Variants in CEP126 observed in about 807,000 individuals in gnomAD.
The protein encoded by CEP126 is centrosomal protein of 126 kDa.
A neutral mutation model predicts 107.8 loss-of-function variants in CEP126; 74 were observed. That is an observed-to-expected ratio of 0.69 (90% CI 0.57 to 0.83). The LOEUF (loss-of-function observed/expected upper bound fraction) is 0.83, where lower values mean the gene tolerates loss of function less well. CEP126 is among the 40% of genes least tolerant of loss of function. The pLI is 0.00. For missense variants in CEP126, 1,237 were observed against 1,281.9 expected (o/e 0.96, Z 0.53); for synonymous variants, 449 against 446.0 (o/e 1.01, Z -0.08).
At chr11:101,997,032 A>ATTTT (rs940783775) in intron 10 of CEP126, among the ~76,000 whole-genome samples, 3 of 152,242 alleles carry the variant, frequency 2.0e-5, no homozygotes, top group African/African-American at 7.2e-5. Flanking sequence ...TGAACCCTGA[A>ATTTT]TTTTTATTTA....
In CEP126 at chr11:101,922,739, T is replaced by C; in HGVS notation, c.227T>C (p.Val76Ala). The change falls in exon 2 of 11, where the codon GTG (valine) becomes GCG (alanine). Residue 76 changes from valine (V) to alanine (A), a missense_variant. Coordinates refer to ENST00000263468, the MANE Select transcript of CEP126 (RefSeq NM_020802.4). ...ICRNRARKYF[V>A]ESNRRKKAFE... ...CGAAATCGAGCACGTAAATATTTTG[T>C]GGAGTCAAATCGGAGAAAAAAGTAA... 1 of 1,612,492 alleles carries C rather than the reference T, an allele frequency of 6.2e-7. No individual in the cohort carries two copies. The highest frequency in any genetic ancestry group is 1.1e-5 in the South Asian group (1 of 91,046).
At position 101,997,571 on chromosome 11, in the gene CEP126, A is replaced by C. The variant is rs1163615382; in HGVS notation, c.3310-28A>C. The stretch of plus-strand genomic sequence containing the variant: ...CTGCAGTGTTTTGGCATGTGTTTGC[A>C]TGCTTGTTTCTTCTTTCTGATTTCC... On this transcript the variant is annotated intron_variant, in intron 10 of 10. Coordinates refer to ENST00000263468, the MANE Select transcript of CEP126 (RefSeq NM_020802.4). The C allele has an allele frequency of 1.9e-6, 3 of 1,613,862 alleles. No individual in the cohort carries two copies. In the African/African-American group the frequency reaches 4.0e-5, roughly 22 times the overall value.
At position 101,940,065 on chromosome 11, in the gene CEP126, A is replaced by G. The variant is rs1940643112; in HGVS notation, c.249-4200A>G. On this transcript the variant is annotated intron_variant, in intron 2 of 10. Transcript: ENST00000263468. ...TTACCAGTGAAGTAGATAGTGCTCT[A>G]AAAGAAAAATACAATAGTACAAAAA... Among the ~76,000 whole-genome samples, 2 of 152,218 alleles carry G rather than the reference A, an allele frequency of 1.3e-5. 1 individual carries two copies. Among genetic ancestry groups the G allele is most frequent in the South Asian group, 4.1e-4 (2 of 4,834 alleles).
chr11:101,997,557 T>C (rs778291383), intron 10 of CEP126, 42 bp from the exon 11 acceptor site: 19 of 1,613,890 alleles, frequency 1.2e-5, no homozygotes, highest in Middle Eastern at 1.7e-4. Flanking sequence ...TGCAGTGTTT[T>C]GGCATGTGTT....
intron 4 of CEP126, 120 bp downstream of exon 4, chr11:101,948,262 A>G (rs1008030215): frequency 4.0e-6 from 2 of 499,106 alleles, no homozygotes; most frequent in South Asian, 4.5e-5. Context: ...TTATTCTTTT[A>G]TTTTTACAGA....
intron 6 of CEP126, among the ~76,000 whole-genome samples, chr11:101,966,409 A>C (rs1941057722): frequency 6.6e-6 from 1 of 152,098 alleles, no homozygotes; most frequent in African/African-American, 2.4e-5. Context: ...ACCCTTATGC[A>C]TCCAGAGTTG....
At chr11:101,977,526 G>C (rs1392010421) in intron 6 of CEP126, among the ~76,000 whole-genome samples, 2 of 150,494 alleles carry the variant, frequency 1.3e-5, no homozygotes, top group African/African-American at 2.4e-5. Flanking sequence ...AGCTACTCAG[G>C]AGGCTGAGGC....
chr11:101,976,026 G>C (rs956880993), intron 6 of CEP126, among the ~76,000 whole-genome samples: 1 of 152,128 alleles, frequency 6.6e-6, no homozygotes, highest in Non-Finnish European at 1.5e-5. Context: ...GTTGTGAGTA[G>C]TACTGCAATA....
intron 6 of CEP126, among the ~76,000 whole-genome samples, chr11:101,965,684 T>C (rs2137115472): frequency 6.6e-6 from 1 of 152,258 alleles, no homozygotes; most frequent in African/African-American, 2.4e-5. Flanking sequence ...CCTTTTTGAG[T>C]TTGTAGCTTG....
Position 101,962,940 on chromosome 11 carries a change from A to C in CEP126, c.1905A>C (p.Glu635Asp), listed in dbSNP as rs758493247. 6.2e-7 allele frequency: 1 copy of C among 1,609,816 alleles called. No individual in the cohort carries two copies. Among genetic ancestry groups the C allele is most frequent in the East Asian group, 2.2e-5 (1 of 44,844 alleles). ...KTIKKLRWFD[E>D]TSNIENNAEN... ...TTAAAAAACTGAGGTGGTTTGATGA[A>C]ACTAGCAATATAGAAAACAATGCTG... Residue 635 changes from glutamate to aspartate, a missense_variant, in exon 6 of 11, where the codon GAA (glutamate) becomes GAC (aspartate). Glu to Asp is a conservative substitution (Grantham distance 45). Coordinates refer to ENST00000263468, the MANE Select transcript of CEP126 (RefSeq NM_020802.4).
At chr11:101,923,267 A>G (rs771924360) in intron 2 of CEP126, among the ~76,000 whole-genome samples, 1 of 152,204 alleles carries the variant, frequency 6.6e-6, no homozygotes, top group Non-Finnish European at 1.5e-5. Flanking sequence ...GAATAACAGT[A>G]GAAGTGGTAG....
At chr11:101,984,016 G>A (rs1294870817) in intron 8 of CEP126, among the ~76,000 whole-genome samples, 2 of 152,182 alleles carry the variant, frequency 1.3e-5, no homozygotes, top group African/African-American at 4.8e-5. Flanking sequence ...TTTGACAACT[G>A]TTCTTTTCAT....
At chr11:101,983,993 G>T (rs1055963398) in intron 8 of CEP126, among the ~76,000 whole-genome samples, 1 of 152,178 alleles carries the variant, frequency 6.6e-6, no homozygotes, top group Non-Finnish European at 1.5e-5. Flanking sequence ...ATGACTGCAA[G>T]ATTTTGTTAT....
intron 4 of CEP126, chr11:101,956,130 C>A (rs1940884575): frequency 2.2e-6 from 1 of 456,686 alleles, no homozygotes; most frequent in Non-Finnish European, 4.4e-6. Context: ...CCCCAGAGTT[C>A]TCCAATCATT....
chr11:101,921,752 CCTCT>C (rs1338924689), intron 1 of CEP126, among the ~76,000 whole-genome samples: 2 of 762 alleles, frequency 2.6e-3, no homozygotes, highest in Non-Finnish European at 4.4e-3. Context: ...GATATACAGT[CCTCT>C]TTATCTGAAG....
At chr11:101,944,145 G>C in intron 2 of CEP126, 120 bp from the exon 3 acceptor site, 1 of 942,238 alleles carries the variant, frequency 1.1e-6, no homozygotes, top group Non-Finnish European at 1.5e-6. Flanking sequence ...TTTAAAATTT[G>C]TTGTTTTTAA....
intron 2 of CEP126, among the ~76,000 whole-genome samples, chr11:101,928,617 C>G (rs948256316): frequency 7.2e-5 from 11 of 152,070 alleles, no homozygotes; most frequent in African/African-American, 2.7e-4. Flanking sequence ...CTCCAGATGT[C>G]CAGTTGGTCC....
chr11:101,946,688 C>T (rs1326672563), intron 3 of CEP126, among the ~76,000 whole-genome samples: 2 of 151,124 alleles, frequency 1.3e-5, no homozygotes, highest in Non-Finnish European at 3.0e-5. Flanking sequence ...GGTGAAACCC[C>T]ATCTCTACTA....
chr11:101,991,681 G>A (rs775035827), intron 9 of CEP126, among the ~76,000 whole-genome samples: 5 of 152,174 alleles, frequency 3.3e-5, no homozygotes, highest in Admixed American at 6.5e-5. Flanking sequence ...ACACCACTGA[G>A]GAATCAGTGA....
Sources: gnomAD v4.1 joint callset for allele counts (sites outside exome capture counted in the v4.1 genomes callset) on GRCh38, gnomAD v4.1.1 for gene constraint, MANE v1.5 for transcripts, NCBI Gene and HGNC (gene_info 2026-07-23, HGNC 2026-07-21) for gene names.